LAMA2: variants seen among roughly 807,000 people sequenced by gnomAD.
LAMA2 encodes the protein laminin subunit alpha 2, also known as laminin subunit alpha-2.
Under a neutral mutation model 364.8 loss-of-function variants are expected in LAMA2, and 269 were observed. The observed-to-expected ratio is 0.74, with a 90% CI of 0.67 to 0.82. The LOEUF is 0.82. Among genes scored for constraint, LAMA2 ranks in the 40% least tolerant of loss-of-function variants. LAMA2 has a pLI of 0.00. For missense variants in LAMA2, 3,807 were observed against 3,873.2 expected, an observed-to-expected ratio of 0.98 and a Z score of 0.45; for synonymous variants, 1,379 against 1,370.6, an observed-to-expected ratio of 1.01 and a Z score of -0.14.
chr6:129,505,470 A>G, intron 61 of LAMA2, 115 bp downstream of exon 61: 1 of 782,670 alleles, frequency 1.3e-6, no homozygotes, highest in Non-Finnish European at 2.2e-6. Context: ...ATAGGAAGTC[A>G]TCTTTTCTGA....
chr6:129,351,392 G>A (rs1776845463), intron 31 of LAMA2, among the ~76,000 whole-genome samples: 1 of 152,104 alleles, frequency 6.6e-6, no homozygotes, highest in Admixed American at 6.6e-5. Context: ...GATGAGCAGG[G>A]CCATACAGTA....
chr6:128,953,221 C>T (rs1370715496), intron 1 of LAMA2, among the ~76,000 whole-genome samples: 1 of 152,126 alleles, frequency 6.6e-6, no homozygotes, highest in South Asian at 2.1e-4. Flanking sequence ...TCCGAGTGAT[C>T]ACTGTCCCTC....
chr6:129,464,518 G>T (rs1347504637), intron 50 of LAMA2, 66 bp downstream of exon 50: 1 of 1,287,658 alleles, frequency 7.8e-7, no homozygotes, highest in Non-Finnish European at 1.1e-6. Flanking sequence ...ATCAGTTATT[G>T]GTAAAATCAT....
intron 22 of LAMA2, among the ~76,000 whole-genome samples, chr6:129,308,765 A>G (rs1774033271): frequency 1.3e-5 from 2 of 152,224 alleles, no homozygotes; most frequent in African/African-American, 4.8e-5. Context: ...CAGGAAGCAT[A>G]GCGGCATCTG....
At position 129,050,000 on chromosome 6, in the gene LAMA2, G is replaced by T. The variant is rs1554206054; in HGVS notation, c.195G>T (p.Met65Ile). 6.2e-7 allele frequency: 1 copy of T among 1,613,942 alleles called. No individual in the cohort carries two copies. The highest frequency in any genetic ancestry group is 1.3e-5 in the African/African-American group (1 of 74,928). The part of the protein sequence containing the change: ...NATCGEKGPE[M>I]YCKLVEHVPG... ...CATGTGGAGAAAAAGGACCTGAAATGTACTGCAAATTGGTAGAACATGTCC... is the reference window on the plus strand; with the variant it reads ...CATGTGGAGAAAAAGGACCTGAAATTTACTGCAAATTGGTAGAACATGTCC... The change falls in exon 2 of 65, where the codon ATG becomes ATT. Residue 65 changes from methionine to isoleucine, a missense_variant. This residue lies in a region of LAMA2 where 394 missense variants were observed against 403.5 expected (regional missense o/e 0.98). Transcript: ENST00000421865.
chr6:128,977,360 A>C (rs1012882472), intron 1 of LAMA2, among the ~76,000 whole-genome samples: 1 of 151,044 alleles, frequency 6.6e-6, no homozygotes, highest in African/African-American at 2.4e-5. Context: ...CCTGGGCTCA[A>C]GCAATCCTTC....
intron 55 of LAMA2, among the ~76,000 whole-genome samples, chr6:129,483,797 G>A (rs978221165): frequency 6.6e-6 from 1 of 152,086 alleles, no homozygotes; most frequent in Non-Finnish European, 1.5e-5. Context: ...TGAGAACCCT[G>A]AAAATACACA....
intron 1 of LAMA2, among the ~76,000 whole-genome samples, chr6:129,008,789 G>C (rs139705159): frequency 6.6e-6 from 1 of 152,228 alleles, no homozygotes; most frequent in African/African-American, 2.4e-5. Context: ...TTGGCAGGAC[G>C]AGAGATTACT....
chr6:129,121,068 A>G (rs1397456474), intron 4 of LAMA2, among the ~76,000 whole-genome samples: 1 of 152,186 alleles, frequency 6.6e-6, no homozygotes, highest in Non-Finnish European at 1.5e-5. Context: ...TGGTGTGGCA[A>G]TAGTGGGTGG....
intron 12 of LAMA2, among the ~76,000 whole-genome samples, chr6:129,213,045 A>C (rs191102441): frequency 6.6e-6 from 1 of 152,168 alleles, no homozygotes; most frequent in Non-Finnish European, 1.5e-5. Flanking sequence ...CAGAAGTGAC[A>C]AAAGTGGGGT....
intron 9 of LAMA2, among the ~76,000 whole-genome samples, chr6:129,171,084 G>A (rs1780115332): frequency 6.6e-6 from 1 of 152,028 alleles, no homozygotes; most frequent in South Asian, 2.1e-4. Flanking sequence ...ACATGAGATG[G>A]GTTTCCTGAA....
At chr6:129,279,092 G>C (rs1259635207) in intron 17 of LAMA2, among the ~76,000 whole-genome samples, 1 of 152,130 alleles carries the variant, frequency 6.6e-6, no homozygotes, top group East Asian at 1.9e-4. Flanking sequence ...ATATATAATA[G>C]AAAACAAATC....
chr6:129,055,960 T>C (rs1788452842), intron 2 of LAMA2, among the ~76,000 whole-genome samples: 1 of 152,250 alleles, frequency 6.6e-6, no homozygotes, highest in African/African-American at 2.4e-5. Flanking sequence ...ATAGGGATTA[T>C]GGTTAATTGT....
Position 129,059,796 on chromosome 6 carries a change from T to A in LAMA2, c.296T>A (p.Ile99Asn), listed in dbSNP as rs1281331353. 6.2e-7 allele frequency: 1 copy of A among 1,601,034 alleles called. No homozygotes were observed. The highest frequency in any genetic ancestry group is 8.6e-7 in the Non-Finnish European group (1 of 1,168,204). The part of the protein sequence containing the change: ...NSSNPNQRHP[I>N]TNAIDGKNTW... ...GCTAACTCAATAGAGAGACACCCGA[T>A]TACAAATGCTATTGATGGAAAGAAC... is the stretch of plus-strand genomic sequence containing the variant. The change falls in exon 3 of 65, where the codon ATT becomes AAT. Residue 99 changes from isoleucine (I) to asparagine (N), a missense_variant. Coordinates refer to ENST00000421865, the MANE Select transcript of LAMA2 (RefSeq NM_000426.4).
chr6:129,403,776 T>C (rs371689031), intron 39 of LAMA2, 45 bp from the exon 40 acceptor site: 1 of 1,574,714 alleles, frequency 6.4e-7, no homozygotes, highest in Non-Finnish European at 8.7e-7. Flanking sequence ...TTCATTTGAG[T>C]ACCATTGAGT....
At chr6:129,201,647 A>G (rs1398030012) in intron 12 of LAMA2, among the ~76,000 whole-genome samples, 1 of 152,208 alleles carries the variant, frequency 6.6e-6, no homozygotes, top group Non-Finnish European at 1.5e-5. Flanking sequence ...AATTAACTGC[A>G]TGCCAGAACA....
intron 22 of LAMA2, among the ~76,000 whole-genome samples, chr6:129,304,567 G>A (rs976983791): frequency 1.3e-5 from 2 of 152,186 alleles, no homozygotes; most frequent in East Asian, 3.9e-4. Context: ...CCGGCCAATT[G>A]TGTTCCAAGT....
At chr6:128,923,253 T>G (rs947925596) in intron 1 of LAMA2, among the ~76,000 whole-genome samples, 2 of 151,690 alleles carry the variant, frequency 1.3e-5, no homozygotes, top group African/African-American at 4.9e-5. Context: ...AAGAAAGTCA[T>G]TGGTAGCTTG....
chr6:129,484,234 G>C (rs888709471), intron 55 of LAMA2, among the ~76,000 whole-genome samples: 1 of 152,196 alleles, frequency 6.6e-6, no homozygotes. Context: ...TTTATAATGG[G>C]ATATCGAAAC....
Sources: allele counts gnomAD v4.1 joint callset (sites outside exome capture counted in the v4.1 genomes callset), GRCh38; gene constraint gnomAD v4.1.1; regional missense constraint gnomAD v4.1.1; transcripts MANE v1.5; gene names NCBI Gene and HGNC (gene_info 2026-07-23, HGNC 2026-07-21).